The following YEATS4 variants were observed in gnomAD, a reference collection of about 807,000 sequenced individuals.
YEATS4 encodes YEATS domain containing 4, also known as YEATS domain-containing protein 4.
Under a neutral mutation model 30.1 loss-of-function variants are expected in YEATS4, and 17 were observed. The ratio of observed to expected loss-of-function variants is 0.56; its 90% CI spans 0.39 to 0.85. YEATS4 has a LOEUF of 0.85. Among genes scored for constraint, YEATS4 ranks in the 40% least tolerant of loss-of-function variants. YEATS4 has a pLI of 0.00. For synonymous variants in YEATS4, 85 were observed against 87.5 expected (o/e 0.97, Z 0.16); for missense variants, 142 against 268.3 (o/e 0.53, Z 3.29).
At chr12:69,367,697 G>A (rs1029876156) in intron 4 of YEATS4, among the ~76,000 whole-genome samples, 1 of 152,106 alleles carries the variant, frequency 6.6e-6, no homozygotes, top group African/African-American at 2.4e-5. Context: ...TCTGCTATTT[G>A]TAAGATATTG....
chr12:69,386,588 T>C (rs1266066805), intron 6 of YEATS4, among the ~76,000 whole-genome samples: 3 of 152,206 alleles, frequency 2.0e-5, no homozygotes, highest in Admixed American at 2.0e-4. Flanking sequence ...GTTTCCTGCC[T>C]CTGTACCCCA....
chr12:69,364,488 C>T (rs905739111), intron 2 of YEATS4, among the ~76,000 whole-genome samples: 37 of 152,016 alleles, frequency 2.4e-4, no homozygotes, highest in African/African-American at 8.7e-4. Context: ...GCCACTTTTG[C>T]CAACAGAAAC....
chr12:69,399,123 G>A, the YEATS4 span, among the ~76,000 whole-genome samples: 1 of 151,856 alleles, frequency 6.6e-6, no homozygotes. Flanking sequence ...CTCCAGCCTG[G>A]GCAACAGAGT....
At chr12:69,378,302 T>G (rs891542036) in intron 6 of YEATS4, among the ~76,000 whole-genome samples, 2 of 152,206 alleles carry the variant, frequency 1.3e-5, no homozygotes, top group East Asian at 3.8e-4. Context: ...GGTCTTGTTT[T>G]TTCATCCATT....
At chr12:69,410,722 TC>T in the YEATS4 span, among the ~76,000 whole-genome samples, 1 of 152,166 alleles carries the variant, frequency 6.6e-6, no homozygotes, top group Admixed American at 6.6e-5. Context: ...TGAGAAACCT[TC>T]CGTGGTGAGA....
At chr12:69,365,115 A>T (rs1247992864) in intron 2 of YEATS4, among the ~76,000 whole-genome samples, 1 of 152,178 alleles carries the variant, frequency 6.6e-6, no homozygotes, top group Non-Finnish European at 1.5e-5. Context: ...ATTACAAATC[A>T]TAAAAGAATT....
At chr12:69,413,511 C>CA in the YEATS4 span, among the ~76,000 whole-genome samples, 1 of 17,750 alleles carries the variant, frequency 5.6e-5, no homozygotes, top group Non-Finnish European at 1.3e-4. Flanking sequence ...GTCTTCAACG[C>CA]CCCCCCCATC....
chr12:69,379,043 C>G (rs978499016), intron 6 of YEATS4, among the ~76,000 whole-genome samples: 2 of 152,114 alleles, frequency 1.3e-5, no homozygotes, highest in Non-Finnish European at 1.5e-5. Context: ...GGACAAAAGG[C>G]TTTTTTTCCT....
At chr12:69,377,635 G>T (rs1875921256) in intron 6 of YEATS4, among the ~76,000 whole-genome samples, 1 of 152,090 alleles carries the variant, frequency 6.6e-6, no homozygotes, top group Admixed American at 6.5e-5. Flanking sequence ...CCATGTGTTT[G>T]TATAGTTTCC....
At chr12:69,388,195 G>C (rs2121071743) in intron 6 of YEATS4, among the ~76,000 whole-genome samples, 1 of 152,128 alleles carries the variant, frequency 6.6e-6, no homozygotes, top group East Asian at 1.9e-4. Flanking sequence ...CGCGTAGCTG[G>C]GACTACAAGT....
downstream of YEATS4, among the ~76,000 whole-genome samples, chr12:69,394,430 G>A (rs1389927467): frequency 2.0e-5 from 3 of 152,090 alleles, no homozygotes; most frequent in Non-Finnish European, 4.4e-5. Context: ...TCACTGAAGA[G>A]GACATAAAAA....
chr12:69,394,202 G>C (rs1042487522), downstream of YEATS4, among the ~76,000 whole-genome samples: 1 of 152,160 alleles, frequency 6.6e-6, no homozygotes, highest in Non-Finnish European at 1.5e-5. Context: ...TTTGCACAAG[G>C]CATCCAGGTG....
intron 4 of YEATS4, among the ~76,000 whole-genome samples, chr12:69,370,491 A>T (rs1377495146): frequency 6.6e-6 from 1 of 152,170 alleles, no homozygotes; most frequent in Non-Finnish European, 1.5e-5. Flanking sequence ...TTACCCTCTA[A>T]AGAGTATTCA....
intron 6 of YEATS4, among the ~76,000 whole-genome samples, chr12:69,375,235 G>A (rs1229796171): frequency 3.4e-5 from 5 of 149,176 alleles, no homozygotes; most frequent in South Asian, 2.1e-4. Context: ...GGGTGGCGGC[G>A]GGGCAGAGAC....
chr12:69,363,078 C>T (rs1432358594), intron 2 of YEATS4, 171 bp downstream of exon 2: 9 of 435,936 alleles, frequency 2.1e-5, no homozygotes, highest in East Asian at 1.4e-4. Flanking sequence ...CTGCAAGCTC[C>T]GCCTCCCGGG....
chr12:69,364,817 C>G (rs570974476), intron 2 of YEATS4, among the ~76,000 whole-genome samples: 120 of 151,800 alleles, frequency 7.9e-4, no homozygotes, highest in African/African-American at 2.8e-3. Flanking sequence ...ATGGAGTTTC[C>G]CCATGTTGGC....
At chr12:69,364,195 G>A in intron 2 of YEATS4, 1 of 449,164 alleles carries the variant, frequency 2.2e-6, no homozygotes, top group South Asian at 1.6e-5. Flanking sequence ...GCTCATTCCT[G>A]TAATCTCAGC....
At chr12:69,414,615 ACT>A in the YEATS4 span, among the ~76,000 whole-genome samples, 15 of 152,084 alleles carry the variant, frequency 9.9e-5, no homozygotes, top group Non-Finnish European at 2.2e-4. Flanking sequence ...GATTCCACAA[ACT>A]CTGTCCATTT....
chr12:69,367,030 AC>A (rs1875461971), intron 4 of YEATS4, among the ~76,000 whole-genome samples: 1 of 152,028 alleles, frequency 6.6e-6, no homozygotes, highest in Non-Finnish European at 1.5e-5. Flanking sequence ...ACGTAGACTT[AC>A]TCTTTTCTTC....
Sources: allele counts gnomAD v4.1 joint callset (sites outside exome capture counted in the v4.1 genomes callset), GRCh38; gene constraint gnomAD v4.1.1; transcripts MANE v1.5; gene names NCBI Gene and HGNC (gene_info 2026-07-23, HGNC 2026-07-21).